Variants in FNDC3B observed in about 807,000 individuals in gnomAD.
The protein encoded by FNDC3B is fibronectin type III domain containing 3B, also known as fibronectin type III domain-containing protein 3B.
Under a neutral mutation model 151.5 loss-of-function variants are expected in FNDC3B, and 12 were observed. That is an observed-to-expected ratio of 0.08 (90% CI 0.05 to 0.13). The LOEUF is 0.13. FNDC3B is among the 10% of genes least tolerant of loss of function. The pLI, the probability that FNDC3B is intolerant of heterozygous loss-of-function variation, is 1.00. For missense variants in FNDC3B, 1,214 were observed against 1,505.3 expected (o/e 0.81, Z 3.20); for synonymous variants, 528 against 549.0 (o/e 0.96, Z 0.54).
chr3:172,130,171 A>T lies in FNDC3B; in HGVS notation c.112-3300A>T, dbSNP rs535613230. 8.5e-5 allele frequency among the ~76,000 whole-genome samples: 13 copies of T among 152,194 alleles called. No individual in the cohort carries two copies. In the South Asian group the frequency reaches 2.7e-3, roughly 32 times the overall value. ...CGGTCATTGGGCTGGTGTGTGTCAA[A>T]CTTATTTTTATCTCTGCTTTATTGA... On this transcript the variant is annotated intron_variant, in intron 2 of 25. Transcript: ENST00000415807.
rs763283422 is a variant in FNDC3B, at chr3:172,328,968, G to A, written c.1271G>A (p.Gly424Asp). Residue 424 changes from glycine (G) to aspartate (D), a missense_variant, in exon 12 of 26, where the codon GGT becomes GAT. Gly to Asp is a moderately conservative substitution (Grantham distance 94). Transcript: ENST00000415807. Reference sequence around the variant, plus strand: ...TACTTTTAGGGAAAAAGAAATAGTGGTTTCAGACAGTGCTTCTTCGGGAGC... The same window carrying A: ...TACTTTTAGGGAAAAAGAAATAGTGATTTCAGACAGTGCTTCTTCGGGAGC... ...LEWDEGKRNS[G>D]FRQCFFGSQK... The A allele has an allele frequency of 3.7e-6, 6 of 1,611,682 alleles. No homozygotes were observed. Among genetic ancestry groups the A allele is most frequent in the Middle Eastern group, 1.6e-4 (1 of 6,078 alleles).
intron 18 of FNDC3B, among the ~76,000 whole-genome samples, chr3:172,343,661 C>T (rs1005994875): frequency 6.6e-6 from 1 of 152,204 alleles, no homozygotes; most frequent in African/African-American, 2.4e-5. Flanking sequence ...ACAGAACTCT[C>T]TAGCAGACTA....
chr3:172,329,138 T>C (rs2108284570), intron 12 of FNDC3B, 62 bp downstream of exon 12: 2 of 1,552,920 alleles, frequency 1.3e-6, no homozygotes, highest in Non-Finnish European at 1.8e-6. Flanking sequence ...AGCCTTCTTT[T>C]ACATAGCTGG....
At chr3:172,227,409 G>T (rs1726648814) in intron 4 of FNDC3B, 1 of 153,278 alleles carries the variant, frequency 6.5e-6, no homozygotes, top group African/African-American at 2.4e-5. Flanking sequence ...GTGAGTTATT[G>T]AGTATGATGT....
At chr3:172,225,355 T>G (rs1333416155) in intron 3 of FNDC3B, 1 of 168,640 alleles carries the variant, frequency 5.9e-6, no homozygotes, top group Non-Finnish European at 1.3e-5. Context: ...TTATTTTTTG[T>G]AGAGATGGGA....
At chr3:172,308,262 A>G (rs1179350114) in intron 10 of FNDC3B, among the ~76,000 whole-genome samples, 1 of 152,210 alleles carries the variant, frequency 6.6e-6, no homozygotes, top group East Asian at 1.9e-4. Flanking sequence ...CTGTTACCAA[A>G]GAGAGATCAT....
intron 5 of FNDC3B, among the ~76,000 whole-genome samples, chr3:172,251,006 TG>T (rs1192983561): frequency 6.6e-6 from 1 of 152,034 alleles, no homozygotes; most frequent in Non-Finnish European, 1.5e-5. Context: ...TTAGTAGGGA[TG>T]GGGTTTCACC....
intron 23 of FNDC3B, among the ~76,000 whole-genome samples, chr3:172,368,162 C>G (rs1734718742): frequency 6.6e-6 from 1 of 151,832 alleles, no homozygotes; most frequent in African/African-American, 2.4e-5. Context: ...CCCAGCTACT[C>G]CGGAGGCTGA....
intron 23 of FNDC3B, among the ~76,000 whole-genome samples, chr3:172,371,322 A>G (rs1734871437): frequency 6.6e-6 from 1 of 152,240 alleles, no homozygotes; most frequent in South Asian, 2.1e-4. Context: ...TGTTCAGTAT[A>G]GATGCAAGCA....
At chr3:172,275,673 G>A (rs935474249) in intron 6 of FNDC3B, among the ~76,000 whole-genome samples, 5 of 152,150 alleles carry the variant, frequency 3.3e-5, no homozygotes, top group Non-Finnish European at 5.9e-5. Context: ...ACAACCTCTT[G>A]CAAGTAGCAT....
At chr3:172,203,056 A>G (rs1023139703) in intron 3 of FNDC3B, among the ~76,000 whole-genome samples, 7 of 152,186 alleles carry the variant, frequency 4.6e-5, no homozygotes, top group African/African-American at 1.4e-4. Context: ...CCTTAAAAAC[A>G]TATTACATGG....
At chr3:172,280,874 G>A (rs114146182) in intron 6 of FNDC3B, among the ~76,000 whole-genome samples, 2,414 of 152,050 alleles carry the variant, frequency 0.016, 23 homozygotes, top group Non-Finnish European at 0.025. Context: ...TTCCCTCTAT[G>A]TGTGTGGGTT....
At chr3:172,177,981 G>T (rs1723696894) in intron 3 of FNDC3B, among the ~76,000 whole-genome samples, 2 of 152,082 alleles carry the variant, frequency 1.3e-5, no homozygotes, top group African/African-American at 4.8e-5. Flanking sequence ...TTAGTTTGCT[G>T]AGGATGATGC....
intron 3 of FNDC3B, among the ~76,000 whole-genome samples, chr3:172,170,076 T>A (rs115960667): frequency 0.013 from 1,932 of 152,318 alleles, 35 homozygotes; most frequent in African/African-American, 0.044. Flanking sequence ...AATTTCGTTA[T>A]CTATGTTATT....
At chr3:172,049,579 G>A (rs1465463981) in intron 1 of FNDC3B, among the ~76,000 whole-genome samples, 1 of 152,092 alleles carries the variant, frequency 6.6e-6, no homozygotes, top group African/African-American at 2.4e-5. Context: ...CCAGGGTGGA[G>A]TGCAATGGCG....
chr3:172,271,110 C>T (rs188483905), intron 6 of FNDC3B, among the ~76,000 whole-genome samples: 152 of 152,294 alleles, frequency 1.0e-3, no homozygotes, highest in African/African-American at 3.5e-3. Flanking sequence ...TTAGTAAGAA[C>T]GAGCCTCTTT....
At position 172,058,693 on chromosome 3, in the gene FNDC3B, G is replaced by A. The variant is rs545271502; in HGVS notation, c.-29+18922G>A. On this transcript the variant is annotated intron_variant, in intron 1 of 25. Coordinates refer to ENST00000415807, the MANE Select transcript of FNDC3B (RefSeq NM_022763.4). Reference sequence around the variant, plus strand: ...GCTTGAAATCAGAGGAGTATTAGTAGCCAATACTACAAGAAGCAGACATTC... The same window carrying A: ...GCTTGAAATCAGAGGAGTATTAGTAACCAATACTACAAGAAGCAGACATTC... Among the ~76,000 whole-genome samples, 9 of 152,234 alleles carry A rather than the reference G, an allele frequency of 5.9e-5. No homozygotes were observed. The South Asian group carries it at 1.9e-3, about 32-fold the overall frequency.
chr3:172,061,811 G>A (rs960657822), intron 1 of FNDC3B, among the ~76,000 whole-genome samples: 19 of 152,102 alleles, frequency 1.2e-4, no homozygotes, highest in Admixed American at 7.9e-4. Context: ...TTTGTTCAGC[G>A]GACAGGAAAT....
intron 1 of FNDC3B, among the ~76,000 whole-genome samples, chr3:172,100,631 A>T (rs1334082230): frequency 6.6e-6 from 1 of 152,130 alleles, no homozygotes. Context: ...ATGTCTTTGC[A>T]CCTGCTAATT....
Sources: gnomAD v4.1 joint callset for allele counts (sites outside exome capture counted in the v4.1 genomes callset) on GRCh38, gnomAD v4.1.1 for gene constraint, MANE v1.5 for transcripts, NCBI Gene and HGNC (gene_info 2026-07-23, HGNC 2026-07-21) for gene names.